FPGS: variants seen among roughly 807,000 people sequenced by gnomAD.
FPGS encodes folylpolyglutamate synthase.
A neutral mutation model predicts 66.5 loss-of-function variants in FPGS; 53 were observed. The observed-to-expected ratio is 0.80, with a 90% CI of 0.64 to 1.00. FPGS has a LOEUF of 1.00. Among genes scored for constraint, FPGS ranks in the 50% least tolerant of loss-of-function variants. The pLI, the probability that FPGS is intolerant of heterozygous loss-of-function variation, is 0.00. For missense variants in FPGS, 702 were observed against 807.7 expected (o/e 0.87, Z 1.59); for synonymous variants, 348 against 350.9 (o/e 0.99, Z 0.09).
Position 127,814,045 on chromosome 9 carries a change from CTT to C in FPGS, c.*443_*444del, listed in dbSNP as rs72384717. On this transcript the variant is annotated 3_prime_UTR_variant, in exon 15 of 15. Transcript: ENST00000373247. ...GAGGGTGGCTGGAGTGAATTAAAGC[CTT>C]TGTTTTTTAAAGAAATGGCAAAGCC... 12,307 of 999,718 alleles carry C rather than the reference CTT, an allele frequency of 0.012. 1,023 individuals are homozygous for C. In the African/African-American group the frequency reaches 0.18, roughly 15 times the overall value. 61.9% of individuals were successfully genotyped at this position (999,718 alleles called of 1,614,324 possible). A position where few individuals can be genotyped will look rare whatever the true frequency, so the allele number is the denominator to read the frequency against.
chr9:127,812,107 G>A (rs1830104549), intron 14 of FPGS, among the ~76,000 whole-genome samples: 1 of 152,112 alleles, frequency 6.6e-6, no homozygotes, highest in Non-Finnish European at 1.5e-5. Context: ...GAATTAGCCA[G>A]GTGTGGTGGT....
chr9:127,809,648 G>C, intron 11 of FPGS, 36 bp from the exon 12 acceptor site: 2 of 1,554,544 alleles, frequency 1.3e-6, no homozygotes, highest in Admixed American at 1.9e-5. Context: ...GGGGGTGGGA[G>C]AGGGCCTGGA....
chr9:127,813,865 C>G lies in FPGS; in HGVS notation c.*261C>G, dbSNP rs72547444. The G allele has an allele frequency of 3.3e-6, 4 of 1,219,378 alleles. No individual in the cohort carries two copies. The East Asian group carries it at 1.4e-4, about 42-fold the overall frequency. 75.5% of individuals were successfully genotyped at this position (1,219,378 alleles called of 1,614,324 possible). ...AGTGGCCTGGCCGTTCAGCCTGTCTCCCCCAACACCCCGCCTGCCTCCTGG... is the reference window on the plus strand; with the variant it reads ...AGTGGCCTGGCCGTTCAGCCTGTCTGCCCCAACACCCCGCCTGCCTCCTGG... On this transcript the variant is annotated 3_prime_UTR_variant, in exon 15 of 15. Transcript: ENST00000373247.
intron 14 of FPGS, 32 bp downstream of exon 14, chr9:127,811,043 G>A: frequency 1.4e-6 from 2 of 1,415,854 alleles, no homozygotes; most frequent in South Asian, 1.2e-5. Flanking sequence ...CCCTGGGGAT[G>A]AGCAGGGGTC....
intron 4 of FPGS, among the ~76,000 whole-genome samples, chr9:127,805,285 T>C (rs982085719): frequency 2.0e-5 from 3 of 152,062 alleles, no homozygotes; most frequent in African/African-American, 7.2e-5. Flanking sequence ...GGCTCATGCC[T>C]ATAATCCCAG....
chr9:127,805,097 C>G (rs1487033040), intron 4 of FPGS, among the ~76,000 whole-genome samples: 1 of 152,032 alleles, frequency 6.6e-6, no homozygotes, highest in Admixed American at 6.6e-5. Flanking sequence ...CCATGTTGGC[C>G]AGGCTGTTCT....
At chr9:127,814,093 C>T, downstream of FPGS, 1 of 986,926 alleles carries the variant, frequency 1.0e-6, no homozygotes, top group Non-Finnish European at 1.2e-6. Flanking sequence ...CCTTGACCCC[C>T]TGCTCCCTCA....
At chr9:127,808,768 C>T in intron 10 of FPGS, 32 bp from the exon 11 acceptor site, 1 of 1,555,068 alleles carries the variant, frequency 6.4e-7, no homozygotes, top group Non-Finnish European at 8.7e-7. Flanking sequence ...CTAGGAGGGT[C>T]CCGGACACAC....
At position 127,809,827 on chromosome 9, in the gene FPGS, C is replaced by G. The variant is rs940844035; in HGVS notation, c.1204C>G (p.Pro402Ala). 9.7e-6 allele frequency: 14 copies of G among 1,438,330 alleles called. No individual in the cohort carries two copies. In the African/African-American group the frequency reaches 1.5e-4, roughly 16 times the overall value. 89.1% of individuals were successfully genotyped at this position (1,438,330 alleles called of 1,614,324 possible). A position where few individuals can be genotyped will look rare whatever the true frequency, so the allele number is the denominator to read the frequency against. Reference sequence around the variant, plus strand: ...CCAGGCGCTGCAGGGCCGCGAGAGGCCGAGCGGGTGAGGGGCAGGGCTGGG... The same window carrying G: ...CCAGGCGCTGCAGGGCCGCGAGAGGGCGAGCGGGTGAGGGGCAGGGCTGGG... ...FRQALQGRER[P>A]SGGPEVRVLL... Residue 402 changes from proline to alanine, a missense_variant, in exon 12 of 15, where the codon CCG (proline) becomes GCG (alanine). Transcript: ENST00000373247.
Position 127,813,736 on chromosome 9 carries a change from G to A in FPGS, c.*132G>A, listed in dbSNP as rs2131865045. ...ACTGGCCTAGGGGCCAGGGCTTTGGGATGGGAGGCCGGGAGAGGATGTCTT... is the reference window on the plus strand; with the variant it reads ...ACTGGCCTAGGGGCCAGGGCTTTGGAATGGGAGGCCGGGAGAGGATGTCTT... On this transcript the variant is annotated 3_prime_UTR_variant, in exon 15 of 15. Coordinates refer to ENST00000373247, the MANE Select transcript of FPGS (RefSeq NM_004957.6). The A allele has an allele frequency of 7.6e-7, 1 of 1,324,094 alleles. No individual in the cohort carries two copies. The highest frequency in any genetic ancestry group is 3.0e-5 in the East Asian group (1 of 32,904). 82.0% of individuals were successfully genotyped at this position (1,324,094 alleles called of 1,614,324 possible).
At position 127,810,925 on chromosome 9, in the gene FPGS, T is replaced by C; in HGVS notation, c.1288-20T>C. 3.4e-6 allele frequency: 5 copies of C among 1,483,732 alleles called. No individual in the cohort carries two copies. The highest frequency in any genetic ancestry group is 4.6e-6 in the Non-Finnish European group (5 of 1,077,868). The allele number at this position is 1,483,732 out of a possible 1,614,324, so 91.9% of individuals were successfully genotyped here. The stretch of plus-strand genomic sequence containing the variant: ...ATCCTTTCGGGGGTCTGACACCAAG[T>C]CTTTCCCTTGGCCTTCTAGCCCTGC... On this transcript the variant is annotated intron_variant, in intron 13 of 14. Transcript: ENST00000373247.
chr9:127,813,944 G>A lies in FPGS; in HGVS notation c.*340G>A, dbSNP rs1337481489. ...CTGGCCAGGCCCTGGGTCTTGCCAT[G>A]TGCTGGGTGGTAGATTTCCTCCTCC... On this transcript the variant is annotated 3_prime_UTR_variant, in exon 15 of 15. Coordinates refer to ENST00000373247, the MANE Select transcript of FPGS (RefSeq NM_004957.6). 2 of 1,104,450 alleles carry A rather than the reference G, an allele frequency of 1.8e-6. No individual in the cohort carries two copies. Among genetic ancestry groups the A allele is most frequent in the Middle Eastern group, 3.9e-4 (1 of 2,562 alleles). The allele number at this position is 1,104,450 out of a possible 1,614,324, so 68.4% of individuals were successfully genotyped here.
At position 127,802,972 on chromosome 9, in the gene FPGS, G is replaced by A. The variant is rs1183199680; in HGVS notation, c.48G>A (p.Ala16=). ...SHLRAALFLA[A]ASARGITTQV... ...TGCGCGCCGCTCTATTCCTGGCAGCGGCGTCTGCGCGCGGCATAACGACCC... is the reference window on the plus strand; with the variant it reads ...TGCGCGCCGCTCTATTCCTGGCAGCAGCGTCTGCGCGCGGCATAACGACCC... Residue 16 remains alanine, a synonymous_variant, in exon 1 of 15, where the codon GCG becomes GCA. Coordinates refer to ENST00000373247, the MANE Select transcript of FPGS (RefSeq NM_004957.6). The A allele has an allele frequency of 3.4e-6, 5 of 1,458,684 alleles. No individual in the cohort carries two copies. In the African/African-American group the frequency reaches 4.5e-5, roughly 13 times the overall value. 90.4% of individuals were successfully genotyped at this position (1,458,684 alleles called of 1,614,324 possible). A position where few individuals can be genotyped will look rare whatever the true frequency, so the allele number is the denominator to read the frequency against.
At position 127,810,238 on chromosome 9, in the gene FPGS, G is replaced by C; in HGVS notation, c.1287+132G>C. 3.9e-6 allele frequency: 3 copies of C among 767,024 alleles called. No homozygotes were observed. In the South Asian group the frequency reaches 5.0e-5, roughly 13 times the overall value. 47.5% of individuals were successfully genotyped at this position (767,024 alleles called of 1,614,324 possible). On this transcript the variant is annotated intron_variant, in intron 13 of 14. Coordinates refer to ENST00000373247, the MANE Select transcript of FPGS (RefSeq NM_004957.6). ...TTAGATGTGACAAGGTGCCTGTGCT[G>C]GTTCTGCCAGGTGCTGCAGGGCCGT... is the stretch of plus-strand genomic sequence containing the variant.
At position 127,813,785 on chromosome 9, in the gene FPGS, T is replaced by G. The variant is rs1476424254; in HGVS notation, c.*181T>G. The G allele has an allele frequency of 3.1e-6, 4 of 1,285,712 alleles. No homozygotes were observed. The highest frequency in any genetic ancestry group is 3.9e-6 in the Non-Finnish European group (4 of 1,022,112). 79.6% of individuals were successfully genotyped at this position (1,285,712 alleles called of 1,614,324 possible). A position where few individuals can be genotyped will look rare whatever the true frequency, so the allele number is the denominator to read the frequency against. ...TTTTTTAAGGCTCTGTGCCTTGGTC[T>G]CTCCTTCCTCTTGGCTGAGATAGCA... On this transcript the variant is annotated 3_prime_UTR_variant, in exon 15 of 15. Coordinates refer to ENST00000373247, the MANE Select transcript of FPGS (RefSeq NM_004957.6).
Position 127,808,822 on chromosome 9 carries a change from C to T in FPGS, c.993C>T (p.Ser331=). ...CAGGTGCTGGGGAGCCAAAGGCATCCAGGCCAGGGCTCCTGTGGCAGCTGC... is the reference window on the plus strand; with the variant it reads ...CAGGTGCTGGGGAGCCAAAGGCATCTAGGCCAGGGCTCCTGTGGCAGCTGC... ...DRHGAGEPKA[S]RPGLLWQLPL... is the part of the protein sequence containing the mutation. The change falls in exon 11 of 15, where the codon TCC becomes TCT. Residue 331 remains serine, a synonymous_variant. Coordinates refer to ENST00000373247, the MANE Select transcript of FPGS (RefSeq NM_004957.6). 1 of 1,562,592 alleles carries T rather than the reference C, an allele frequency of 6.4e-7. No individual in the cohort carries two copies. Among genetic ancestry groups the T allele is most frequent in the Non-Finnish European group, 8.7e-7 (1 of 1,153,650 alleles).
chr9:127,806,644 CAG>C (rs1366952463), intron 4 of FPGS: 2 of 324,764 alleles, frequency 6.2e-6, no homozygotes, highest in Non-Finnish European at 1.2e-5. Flanking sequence ...AGCTGTAAGA[CAG>C]ATGACATTGT....
chr9:127,814,101 T>A (rs1391870660), downstream of FPGS: 1 of 986,348 alleles, frequency 1.0e-6, no homozygotes, highest in Non-Finnish European at 1.2e-6. Flanking sequence ...CCCTGCTCCC[T>A]CAGCAGAGAC....
In FPGS at chr9:127,813,796, T is replaced by C. The variant is rs10106; in HGVS notation, c.*192T>C. 539,762 of 1,270,974 alleles carry C rather than the reference T, an allele frequency of 0.42. 116,866 individuals are homozygous for C. The highest frequency in any genetic ancestry group is 0.69 in the East Asian group (21,882 of 31,892). 78.7% of individuals were successfully genotyped at this position (1,270,974 alleles called of 1,614,324 possible). A position where few individuals can be genotyped will look rare whatever the true frequency, so the allele number is the denominator to read the frequency against. On this transcript the variant is annotated 3_prime_UTR_variant, in exon 15 of 15. Transcript: ENST00000373247. ...TCTGTGCCTTGGTCTCTCCTTCCTC[T>C]TGGCTGAGATAGCAGAGGGGCTCCC...
Sources: gnomAD v4.1 joint callset for allele counts (sites outside exome capture counted in the v4.1 genomes callset) on GRCh38, gnomAD v4.1.1 for gene constraint, MANE v1.5 for transcripts, NCBI Gene and HGNC (gene_info 2026-07-23, HGNC 2026-07-21) for gene names.